FNDC10: variants seen among roughly 807,000 people sequenced by gnomAD.
FNDC10 encodes the protein fibronectin type III domain containing 10, also known as fibronectin type III domain-containing protein 10.
A neutral mutation model predicts 11.6 loss-of-function variants in FNDC10; 8 were observed. The ratio of observed to expected loss-of-function variants is 0.69; its 90% confidence interval spans 0.41 to 1.25. The LOEUF is 1.25. Ranked by LOEUF, FNDC10 falls within the 50% of genes most tolerant of loss-of-function variation. FNDC10 has a pLI of 0.01. For missense variants in FNDC10, 308 were observed against 330.2 expected (o/e 0.93, Z 0.52); for synonymous variants, 187 against 162.9 (o/e 1.15, Z -1.12).
In FNDC10 at chr1:1,599,632, G is replaced by A. The variant is rs546921259; in HGVS notation, c.384C>T (p.Ala128=). The A allele has an allele frequency of 8.7e-4, 1,288 of 1,487,436 alleles. 12 individuals are homozygous for A. In the African/African-American group the frequency reaches 0.016, roughly 19 times the overall value. 92.1% of individuals were successfully genotyped at this position (1,487,436 alleles called of 1,614,324 possible). Residue 128 remains alanine, a synonymous_variant, in exon 1 of 1, where the codon GCC becomes GCT. Coordinates refer to ENST00000422725, the MANE Select transcript of FNDC10 (RefSeq NM_001242659.2). The surrounding 1 kb of genome is among the most constrained non-coding windows in gnomAD (Gnocchi z 6.7). ...CGGGCAGCAGGTAGTCGCGGCAGGA[G>A]GCCCCGAGGAGCACGCGCTCGCACG... ...RFPCERVLLG[A]SCRDYLLPDV... is the part of the protein sequence containing the mutation.
rs1643096086 is a variant in FNDC10, at chr1:1,600,040, G to GCGCTGGGTCACGCGGGCCGCGC, written c.-47_-26dup. ...TCCTGCGGCGGGGCCACGGGGCGCG[G>GCGCTGGGTCACGCGGGCCGCGC]CGCTGGGTCACGCGGGCCGCGCCGC... On this transcript the variant is annotated 5_prime_UTR_variant, in exon 1 of 1. Transcript: ENST00000422725. The GCGCTGGGTCACGCGGGCCGCGC allele has an allele frequency of 1.0e-6, 1 of 976,744 alleles. No homozygotes were observed. The highest frequency in any genetic ancestry group is 1.8e-5 in the African/African-American group (1 of 56,316). The allele number at this position is 976,744 out of a possible 1,614,324, so 60.5% of individuals were successfully genotyped here.
chr1:1,599,754 T>C lies in FNDC10; in HGVS notation c.262A>G (p.Ser88Gly). 1 of 1,296,900 alleles carries C rather than the reference T, an allele frequency of 7.7e-7. No individual in the cohort carries two copies. The highest frequency in any genetic ancestry group is 9.7e-7 in the Non-Finnish European group (1 of 1,028,728). 80.3% of individuals were successfully genotyped at this position (1,296,900 alleles called of 1,614,324 possible). ...SLRASVLRNR[S>G]VLLQWRLAPA... ...GCCAGGCGCCACTGCAGGAGGACGC[T>C]GCGGTTGCGCAGGACGCTGGCGCGC... The change falls in exon 1 of 1, where the codon AGC becomes GGC. Residue 88 changes from serine to glycine, a missense_variant. Coordinates refer to ENST00000422725, the MANE Select transcript of FNDC10 (RefSeq NM_001242659.2). The surrounding 1 kb of genome is among the most constrained non-coding windows in gnomAD (Gnocchi z 6.7).
Position 1,598,846 on chromosome 1 carries a change from A to C in FNDC10, c.*489T>G. ...GACAGCAGAGGGTGTTGGCTCCTGC[A>C]GTGGGCCCGAGATACTAAGGCACGA... On this transcript the variant is annotated 3_prime_UTR_variant, in exon 1 of 1. Coordinates refer to ENST00000422725, the MANE Select transcript of FNDC10 (RefSeq NM_001242659.2). The C allele has an allele frequency of 6.3e-6, 1 of 158,966 alleles. No homozygotes were observed. The highest frequency in any genetic ancestry group is 1.4e-5 in the Non-Finnish European group (1 of 72,680). 9.8% of individuals were successfully genotyped at this position (158,966 alleles called of 1,614,324 possible).
In FNDC10 at chr1:1,599,774, G is replaced by A. The variant is rs1643090708; in HGVS notation, c.242C>T (p.Ala81Val). 3.2e-6 allele frequency: 4 copies of A among 1,251,744 alleles called. No individual in the cohort carries two copies. The South Asian group carries it at 1.1e-4, about 36-fold the overall frequency. The allele number at this position is 1,251,744 out of a possible 1,614,324, so 77.5% of individuals were successfully genotyped here. ...GACGCTGCGGTTGCGCAGGACGCTG[G>A]CGCGCAGGGAGCGGCCGGCCGGGGC... ...LHAPAGRSLR[A>V]SVLRNRSVLL... Residue 81 changes from alanine to valine, a missense_variant, in exon 1 of 1, where the codon GCC (alanine) becomes GTC (valine). By Grantham distance (64) the Ala-to-Val change is moderately conservative. Transcript: ENST00000422725. This position sits in a 1 kb window ranked among gnomAD's most constrained non-coding sequence, Gnocchi z 6.7.
rs1203662266 is a variant in FNDC10 at position 1,598,401 on chromosome 1, G to A, written c.*934C>T. 1.3e-5 allele frequency: 2 copies of A among 152,302 alleles called. No homozygotes were observed. The highest frequency in any genetic ancestry group is 2.9e-5 in the Non-Finnish European group (2 of 68,120). 9.4% of individuals were successfully genotyped at this position (152,302 alleles called of 1,614,324 possible). On this transcript the variant is annotated 3_prime_UTR_variant, in exon 1 of 1. Coordinates refer to ENST00000422725, the MANE Select transcript of FNDC10 (RefSeq NM_001242659.2). ...TCGACCCCTGGGCATGCAAAGGCTA[G>A]GGGTGGTGCTGTCAGTCACACCGTT...
Position 1,599,416 on chromosome 1 carries a change from G to A in FNDC10, c.600C>T (p.Val200=). 3 of 1,534,268 alleles carry A rather than the reference G, an allele frequency of 2.0e-6. No homozygotes were observed. Among genetic ancestry groups the A allele is most frequent in the Non-Finnish European group, 8.7e-7 (1 of 1,146,262 alleles). ...TGATGTAGGCCACCAGCAGGCAGAT[G>A]ACCACCAGCATGACGCAGATGGAGC... is the stretch of plus-strand genomic sequence containing the variant. The part of the protein sequence containing the change: ...VGGSICVMLV[V]ICLLVAYITE... Residue 200 remains valine (V), a synonymous_variant, in exon 1 of 1, where the codon GTC becomes GTT. Coordinates refer to ENST00000422725, the MANE Select transcript of FNDC10 (RefSeq NM_001242659.2). The surrounding 1 kb of genome is among the most constrained non-coding windows in gnomAD (Gnocchi z 6.7).
At position 1,600,040 on chromosome 1, in the gene FNDC10, GCGCTGGGTCACGCGGGCCGCGC is replaced by G; in HGVS notation, c.-47_-26del. 3 of 976,744 alleles carry G rather than the reference GCGCTGGGTCACGCGGGCCGCGC, an allele frequency of 3.1e-6. No individual in the cohort carries two copies. The highest frequency in any genetic ancestry group is 3.6e-6 in the Non-Finnish European group (3 of 825,376). 60.5% of individuals were successfully genotyped at this position (976,744 alleles called of 1,614,324 possible). ...TCCTGCGGCGGGGCCACGGGGCGCG[GCGCTGGGTCACGCGGGCCGCGC>G]CGCCGCCGTCCCCGCTGCCCGCTCC... On this transcript the variant is annotated 5_prime_UTR_variant, in exon 1 of 1. Coordinates refer to ENST00000422725, the MANE Select transcript of FNDC10 (RefSeq NM_001242659.2).
chr1:1,599,145 T>C lies in FNDC10; in HGVS notation c.*190A>G. 3 of 583,282 alleles carry C rather than the reference T, an allele frequency of 5.1e-6. No homozygotes were observed. Among genetic ancestry groups the C allele is most frequent in the Admixed American group, 6.9e-5 (2 of 28,860 alleles). The allele number at this position is 583,282 out of a possible 1,614,324, so 36.1% of individuals were successfully genotyped here. On this transcript the variant is annotated 3_prime_UTR_variant, in exon 1 of 1. Transcript: ENST00000422725. This position sits in a 1 kb window ranked among gnomAD's most constrained non-coding sequence, Gnocchi z 6.7. The stretch of plus-strand genomic sequence containing the variant: ...CCCAGGGGCCAATCCGGGGCCAGAG[T>C]CTGGGAGTCTGACGCCCGGCTGGAA...
chr1:1,600,077 C>A lies in FNDC10; in HGVS notation c.-62G>T. The A allele has an allele frequency of 1.2e-6, 1 of 866,574 alleles. No individual in the cohort carries two copies. Among genetic ancestry groups the A allele is most frequent in the Non-Finnish European group, 1.4e-6 (1 of 725,024 alleles). 53.7% of individuals were successfully genotyped at this position (866,574 alleles called of 1,614,324 possible). A position where few individuals can be genotyped will look rare whatever the true frequency, so the allele number is the denominator to read the frequency against. On this transcript the variant is annotated 5_prime_UTR_variant, in exon 1 of 1. Coordinates refer to ENST00000422725, the MANE Select transcript of FNDC10 (RefSeq NM_001242659.2). ...GCGGGCCGCGCCGCCGCCGTCCCCG[C>A]TGCCCGCTCCCCGCGATCCCCGGCG...
chr1:1,599,756 C>T lies in FNDC10; in HGVS notation c.260G>A (p.Arg87His), dbSNP rs1294631850. ...RSLRASVLRNRSVLLQWRLAP... is the reference protein window; with the variant it reads ...RSLRASVLRNHSVLLQWRLAP... ...CAGGCGCCACTGCAGGAGGACGCTGCGGTTGCGCAGGACGCTGGCGCGCAG... is the reference window on the plus strand; with the variant it reads ...CAGGCGCCACTGCAGGAGGACGCTGTGGTTGCGCAGGACGCTGGCGCGCAG... The change falls in exon 1 of 1, where the codon CGC becomes CAC. Residue 87 changes from arginine to histidine, a missense_variant. Transcript: ENST00000422725. This position sits in a 1 kb window ranked among gnomAD's most constrained non-coding sequence, Gnocchi z 6.7. The T allele has an allele frequency of 4.6e-6, 6 of 1,294,136 alleles. No individual in the cohort carries two copies. In the South Asian group the frequency reaches 6.8e-5, roughly 15 times the overall value. The allele number at this position is 1,294,136 out of a possible 1,614,324, so 80.2% of individuals were successfully genotyped here.
chr1:1,599,770 G>C lies in FNDC10; in HGVS notation c.246C>G (p.Ser82Arg). 2.4e-6 allele frequency: 3 copies of C among 1,260,810 alleles called. No individual in the cohort carries two copies. Among genetic ancestry groups the C allele is most frequent in the Non-Finnish European group, 3.0e-6 (3 of 1,007,910 alleles). The allele number at this position is 1,260,810 out of a possible 1,614,324, so 78.1% of individuals were successfully genotyped here. ...GGAGGACGCTGCGGTTGCGCAGGACGCTGGCGCGCAGGGAGCGGCCGGCCG... is the reference window on the plus strand; with the variant it reads ...GGAGGACGCTGCGGTTGCGCAGGACCCTGGCGCGCAGGGAGCGGCCGGCCG... ...HAPAGRSLRA[S>R]VLRNRSVLLQ... The change falls in exon 1 of 1, where the codon AGC (serine) becomes AGG (arginine). Residue 82 changes from serine to arginine, a missense_variant. Physicochemically the swap from Ser to Arg is moderately radical, Grantham distance 110 (BLOSUM62 -1). Transcript: ENST00000422725. This position sits in a 1 kb window ranked among gnomAD's most constrained non-coding sequence, Gnocchi z 6.7.
Position 1,600,040 on chromosome 1 carries a change from GCGCTGGGTC to G in FNDC10, c.-34_-26del. ...TCCTGCGGCGGGGCCACGGGGCGCG[GCGCTGGGTC>G]ACGCGGGCCGCGCCGCCGCCGTCCC... On this transcript the variant is annotated 5_prime_UTR_variant, in exon 1 of 1. Transcript: ENST00000422725. The G allele has an allele frequency of 1.0e-6, 1 of 976,744 alleles. No homozygotes were observed. Among genetic ancestry groups the G allele is most frequent in the Non-Finnish European group, 1.2e-6 (1 of 825,376 alleles). 60.5% of individuals were successfully genotyped at this position (976,744 alleles called of 1,614,324 possible). A position where few individuals can be genotyped will look rare whatever the true frequency, so the allele number is the denominator to read the frequency against.
Position 1,599,226 on chromosome 1 carries a change from G to T in FNDC10, c.*109C>A. On this transcript the variant is annotated 3_prime_UTR_variant, in exon 1 of 1. Transcript: ENST00000422725. The surrounding 1 kb of genome is among the most constrained non-coding windows in gnomAD (Gnocchi z 6.7). ...CCGTCGCCGGCAGGTCCTCCTCCGC[G>T]GGGATCTTAAGGAGGCAGCAGGAAT... The T allele has an allele frequency of 9.0e-7, 1 of 1,109,342 alleles. No homozygotes were observed. The highest frequency in any genetic ancestry group is 1.2e-6 in the Non-Finnish European group (1 of 816,480). The allele number at this position is 1,109,342 out of a possible 1,614,324, so 68.7% of individuals were successfully genotyped here.
rs1643092719 is a variant in FNDC10 at position 1,599,865 on chromosome 1, C to T, written c.151G>A (p.Gly51Arg). The T allele has an allele frequency of 9.6e-7, 1 of 1,038,654 alleles. No homozygotes were observed. Among genetic ancestry groups the T allele is most frequent in the Non-Finnish European group, 1.2e-6 (1 of 867,060 alleles). The allele number at this position is 1,038,654 out of a possible 1,614,324, so 64.3% of individuals were successfully genotyped here. A position where few individuals can be genotyped will look rare whatever the true frequency, so the allele number is the denominator to read the frequency against. The change falls in exon 1 of 1, where the codon GGG (glycine) becomes AGG (arginine). Residue 51 changes from glycine to arginine, a missense_variant. Coordinates refer to ENST00000422725, the MANE Select transcript of FNDC10 (RefSeq NM_001242659.2). This position sits in a 1 kb window ranked among gnomAD's most constrained non-coding sequence, Gnocchi z 6.7. ...VLPEGPEAGGGRLCFRSPARG... is the reference protein window; with the variant it reads ...VLPEGPEAGGRRLCFRSPARG... ...GCGGGGCTGCGGAAGCACAGGCGCC[C>T]GCCGCCCGCCTCGGGGCCCTCGGGC... is the stretch of plus-strand genomic sequence containing the variant.
chr1:1,599,452 C>T lies in FNDC10; in HGVS notation c.564G>A (p.Thr188=), dbSNP rs1185952390. ...TGACGCAGATGGAGCCGCCCACCGCCGTCATGGCCACCACGATGTCCTGCA... is the reference window on the plus strand; with the variant it reads ...TGACGCAGATGGAGCCGCCCACCGCTGTCATGGCCACCACGATGTCCTGCA... ...AGMQDIVVAM[T]AVGGSICVML... is the part of the protein sequence containing the mutation. The change falls in exon 1 of 1, where the codon ACG becomes ACA. Residue 188 remains threonine, a synonymous_variant. Transcript: ENST00000422725. This position sits in a 1 kb window ranked among gnomAD's most constrained non-coding sequence, Gnocchi z 6.7. The T allele has an allele frequency of 1.5e-5, 23 of 1,534,202 alleles. No individual in the cohort carries two copies. Among genetic ancestry groups the T allele is most frequent in the Non-Finnish European group, 2.0e-5 (23 of 1,146,284 alleles).
chr1:1,598,904 C>T lies in FNDC10; in HGVS notation c.*431G>A. On this transcript the variant is annotated 3_prime_UTR_variant, in exon 1 of 1. Coordinates refer to ENST00000422725, the MANE Select transcript of FNDC10 (RefSeq NM_001242659.2). ...CTAAGCCCAGTGGGGTGGGGCGGGG[C>T]AGGACAGGCTTGGAGAGCTGCGCCC... 5.5e-6 allele frequency: 1 copy of T among 181,100 alleles called. No homozygotes were observed. The allele number at this position is 181,100 out of a possible 1,614,324, so 11.2% of individuals were successfully genotyped here.
Position 1,599,726 on chromosome 1 carries a change from G to A in FNDC10, c.290C>T (p.Pro97Leu). 3.8e-6 allele frequency: 5 copies of A among 1,325,412 alleles called. No homozygotes were observed. Among genetic ancestry groups the A allele is most frequent in the South Asian group, 4.0e-5 (2 of 50,064 alleles). 82.1% of individuals were successfully genotyped at this position (1,325,412 alleles called of 1,614,324 possible). A position where few individuals can be genotyped will look rare whatever the true frequency, so the allele number is the denominator to read the frequency against. ...GGCGCGCACGCGGCGCGCGGCGGCC[G>A]GGGCCAGGCGCCACTGCAGGAGGAC... Reference protein sequence around the residue: ...RSVLLQWRLAPAAARRVRAFA... With the variant: ...RSVLLQWRLALAAARRVRAFA... The change falls in exon 1 of 1, where the codon CCG (proline) becomes CTG (leucine). Residue 97 changes from proline to leucine, a missense_variant. By Grantham distance (98) the Pro-to-Leu change is moderately conservative. Transcript: ENST00000422725. The surrounding 1 kb of genome is among the most constrained non-coding windows in gnomAD (Gnocchi z 6.7).
chr1:1,599,957 G>A lies in FNDC10; in HGVS notation c.59C>T (p.Ala20Val), dbSNP rs897239408. ...CCAGCCCGGCGGCGTCGGGGCGGCCGCGGCGCAGGGCGGCGGCGCGCAGGC... is the reference window on the plus strand; with the variant it reads ...CCAGCCCGGCGGCGTCGGGGCGGCCACGGCGCAGGGCGGCGGCGCGCAGGC... Reference protein sequence around the residue: ...LAACAPPPCAAAAPTPPGWEP... With the variant: ...LAACAPPPCAVAAPTPPGWEP... The change falls in exon 1 of 1, where the codon GCG becomes GTG. Residue 20 changes from alanine (A) to valine (V), a missense_variant. Physicochemically the swap from Ala to Val is moderately conservative, Grantham distance 64. Coordinates refer to ENST00000422725, the MANE Select transcript of FNDC10 (RefSeq NM_001242659.2). This position sits in a 1 kb window ranked among gnomAD's most constrained non-coding sequence, Gnocchi z 6.7. The A allele has an allele frequency of 2.0e-5, 20 of 984,772 alleles. No individual in the cohort carries two copies. Among genetic ancestry groups the A allele is most frequent in the African/African-American group, 3.5e-5 (2 of 56,530 alleles). 61.0% of individuals were successfully genotyped at this position (984,772 alleles called of 1,614,324 possible). A position where few individuals can be genotyped will look rare whatever the true frequency, so the allele number is the denominator to read the frequency against.
rs1643082535 is a variant in FNDC10, at chr1:1,599,293, C to T, written c.*42G>A. On this transcript the variant is annotated 3_prime_UTR_variant, in exon 1 of 1. Coordinates refer to ENST00000422725, the MANE Select transcript of FNDC10 (RefSeq NM_001242659.2). The surrounding 1 kb of genome is among the most constrained non-coding windows in gnomAD (Gnocchi z 6.7). ...GCGGAGGACCTGGGAGCTCAGGCGC[C>T]CTCAGGCAGGTGGCGCAAAGATGGG... 6.9e-7 allele frequency: 1 copy of T among 1,446,976 alleles called. No individual in the cohort carries two copies. Among genetic ancestry groups the T allele is most frequent in the East Asian group, 2.8e-5 (1 of 36,274 alleles). The allele number at this position is 1,446,976 out of a possible 1,614,324, so 89.6% of individuals were successfully genotyped here. A position where few individuals can be genotyped will look rare whatever the true frequency, so the allele number is the denominator to read the frequency against.
Sources: gnomAD v4.1 joint callset for allele counts on GRCh38, gnomAD v4.1.1 for gene constraint, Gnocchi (gnomAD v3.1) non-coding constraint, MANE v1.5 for transcripts, NCBI Gene and HGNC (gene_info 2026-07-23, HGNC 2026-07-21) for gene names.